MAN2A2: variants seen among roughly 807,000 people sequenced by gnomAD.
MAN2A2 encodes the protein mannosidase alpha class 2A member 2.
Under a neutral mutation model 126.8 loss-of-function variants are expected in MAN2A2, and 79 were observed. The ratio of observed to expected loss-of-function variants is 0.62; its 90% CI spans 0.52 to 0.75. The LOEUF (loss-of-function observed/expected upper bound fraction) is 0.75, where lower values mean the gene tolerates loss of function less well. Among genes scored for constraint, MAN2A2 ranks in the 30% least tolerant of loss-of-function variants. The probability of loss-of-function intolerance (pLI) is 0.00; values close to 1 mark genes in which losing one functional copy is unlikely to be tolerated. For missense variants in MAN2A2, 1,392 were observed against 1,522.4 expected, an observed-to-expected ratio of 0.91 and a Z score of 1.43; for synonymous variants, 671 against 618.7, an observed-to-expected ratio of 1.08 and a Z score of -1.25.
rs755875105 is a variant in MAN2A2 at position 90,907,213 on chromosome 15, G to T, written c.1010-96G>T. Reference sequence around the variant, plus strand: ...GCCCTAGGTCCAGTTACAGCCTCGCGGTCTATCAGGGCTGCCTTTAGCCTG... The same window carrying T: ...GCCCTAGGTCCAGTTACAGCCTCGCTGTCTATCAGGGCTGCCTTTAGCCTG... On this transcript the variant is annotated intron_variant, in intron 7 of 22. Transcript: ENST00000559717. The T allele has an allele frequency of 8.0e-6, 10 of 1,248,202 alleles. No homozygotes were observed. The Admixed American group carries it at 1.9e-4, about 23-fold the overall frequency. The allele number at this position is 1,248,202 out of a possible 1,614,324, so 77.3% of individuals were successfully genotyped here. A position where few individuals can be genotyped will look rare whatever the true frequency, so the allele number is the denominator to read the frequency against.
At chr15:90,906,151 GA>G in intron 5 of MAN2A2, 135 bp downstream of exon 5, 1 of 1,383,296 alleles carries the variant, frequency 7.2e-7, no homozygotes, top group Non-Finnish European at 1.0e-6. Context: ...AGTGATGGTG[GA>G]GGGAGGGAAG....
intron 8 of MAN2A2, 40 bp downstream of exon 8, chr15:90,907,535 G>C: frequency 6.3e-7 from 1 of 1,583,710 alleles, no homozygotes; most frequent in Non-Finnish European, 8.6e-7. Context: ...GAGGAATCGG[G>C]AGGCCTGGCT....
chr15:90,916,116 TC>T lies in MAN2A2; in HGVS notation c.2861-3del. On this transcript the variant is annotated splice_polypyrimidine_tract_variant and splice_region_variant and intron_variant, in intron 19 of 22. Coordinates refer to ENST00000559717, the MANE Select transcript of MAN2A2 (RefSeq NM_006122.4). Reference sequence around the variant, plus strand: ...GGCGGGCCAGCACTCACTGTTTGCTTCCCCAGGCCAGCTGGAGGTGATCTTG... The same window carrying T: ...GGCGGGCCAGCACTCACTGTTTGCTTCCCAGGCCAGCTGGAGGTGATCTTG... 6.2e-7 allele frequency: 1 copy of T among 1,613,616 alleles called. No homozygotes were observed. The highest frequency in any genetic ancestry group is 8.5e-7 in the Non-Finnish European group (1 of 1,179,816).
rs748242472 is a variant in MAN2A2 at position 90,911,225 on chromosome 15, G to T, written c.1930G>T (p.Asp644Tyr). The part of the protein sequence containing the change: ...ALPERTVIQL[D>Y]SSPRFVVLFN... ...CCCAGAGCGCACGGTGATCCAGCTGGATTCCTCGCCCAGGTAACCTGGACT... is the reference window on the plus strand; with the variant it reads ...CCCAGAGCGCACGGTGATCCAGCTGTATTCCTCGCCCAGGTAACCTGGACT... The change falls in exon 13 of 23, where the codon GAT becomes TAT. Residue 644 changes from aspartate to tyrosine, a missense_variant. Coordinates refer to ENST00000559717, the MANE Select transcript of MAN2A2 (RefSeq NM_006122.4). 3 of 1,614,062 alleles carry T rather than the reference G, an allele frequency of 1.9e-6. No individual in the cohort carries two copies. In the South Asian group the frequency reaches 3.3e-5, roughly 18 times the overall value.
chr15:90,909,850 G>A (rs149319497), intron 9 of MAN2A2, among the ~76,000 whole-genome samples: 1,641 of 152,270 alleles, frequency 0.011, 30 homozygotes, highest in African/African-American at 0.037. Flanking sequence ...TGATCCACTC[G>A]CCTCGGCCTC....
chr15:90,906,274 C>G (rs2034276043), intron 5 of MAN2A2, 96 bp from the exon 6 acceptor site: 2 of 1,508,808 alleles, frequency 1.3e-6, no homozygotes, highest in Admixed American at 1.9e-5. Flanking sequence ...GAGAACTGGT[C>G]CAGTGAGGCC....
chr15:90,910,960 TGGTGAGCCCCTCCTG>T lies in MAN2A2; in HGVS notation c.1875+3_1875+17del. 6.2e-7 allele frequency: 1 copy of T among 1,612,804 alleles called. No homozygotes were observed. The highest frequency in any genetic ancestry group is 8.5e-7 in the Non-Finnish European group (1 of 1,178,920). ...GACCCTGAGGCGCCCTTCCTCCAAG[TGGTGAGCCCCTCCTG>T]GGTCTGCATGGGGACCCTCTGGTGT... On this transcript the variant is annotated splice_donor_variant and splice_donor_5th_base_variant and coding_sequence_variant and intron_variant, in exon 12 of 23. Transcript: ENST00000559717. LOFTEE classifies it high-confidence loss of function.
intron 19 of MAN2A2, among the ~76,000 whole-genome samples, chr15:90,915,055 G>A (rs1032525674): frequency 3.3e-5 from 5 of 152,204 alleles, no homozygotes; most frequent in Non-Finnish European, 7.3e-5. Flanking sequence ...TGGCAAGTTC[G>A]GGGGCCTGAC....
intron 11 of MAN2A2, 32 bp from the exon 12 acceptor site, chr15:90,910,812 ATCT>A (rs1205197736): frequency 3.7e-6 from 6 of 1,604,472 alleles, no homozygotes; most frequent in East Asian, 2.2e-5. Context: ...CCCTATGGTC[ATCT>A]TCTCTCCTTC....
intron 8 of MAN2A2, among the ~76,000 whole-genome samples, chr15:90,908,210 G>A (rs1029632903): frequency 3.9e-5 from 6 of 152,222 alleles, no homozygotes; most frequent in Non-Finnish European, 8.8e-5. Context: ...TGATCAGTGA[G>A]GCTGGCCTAG....
chr15:90,918,554 G>T, intron 21 of MAN2A2, 91 bp from the exon 22 acceptor site: 1 of 1,214,002 alleles, frequency 8.2e-7, no homozygotes, highest in Non-Finnish European at 1.2e-6. Flanking sequence ...ACGCCTCCCT[G>T]TGCCAGCACT....
At chr15:90,911,629 A>C (rs1596159986) in intron 14 of MAN2A2, 79 bp downstream of exon 14, 1 of 1,447,758 alleles carries the variant, frequency 6.9e-7, no homozygotes, top group Non-Finnish European at 9.2e-7. Context: ...CCAGCCTCCC[A>C]CCCTCCTGCT....
chr15:90,912,070 C>T lies in MAN2A2; in HGVS notation c.2137C>T (p.Leu713=), dbSNP rs1310881865. Residue 713 remains leucine (L), a synonymous_variant, in exon 15 of 23, where the codon CTG becomes TTG. Coordinates refer to ENST00000559717, the MANE Select transcript of MAN2A2 (RefSeq NM_006122.4). ...QVSVPVRLPA[L]GLGVLQLQLG... ...GTCTGTGCCTGTCCGCCTGCCAGCC[C>T]TGGGCCTGGGCGTGCTGCAGCTACA... 1 of 1,612,892 alleles carries T rather than the reference C, an allele frequency of 6.2e-7. No individual in the cohort carries two copies. Among genetic ancestry groups the T allele is most frequent in the East Asian group, 2.2e-5 (1 of 44,870 alleles).
rs200536463 is a variant in MAN2A2 at position 90,912,273 on chromosome 15, C to T, written c.2340C>T (p.Leu780=). 2.5e-6 allele frequency: 4 copies of T among 1,614,194 alleles called. No individual in the cohort carries two copies. In the African/African-American group the frequency reaches 5.3e-5, roughly 22 times the overall value. ...TCTGGTTCTCAGGCCTTACTGGGCT[C>T]CTCAAGGTAAAAGGCCAGGGTGGTG... The part of the protein sequence containing the change: ...MQVWFSGLTG[L]LKSIRRVDEE... The change falls in exon 15 of 23, where the codon CTC becomes CTT. Residue 780 remains leucine (L), a synonymous_variant. Transcript: ENST00000559717.
intron 11 of MAN2A2, 23 bp downstream of exon 11, chr15:90,910,706 T>C (rs779794953): frequency 6.2e-7 from 1 of 1,612,248 alleles, no homozygotes; most frequent in African/African-American, 1.3e-5. Context: ...TCTTTTCCCT[T>C]GTAAGCTCCC....
At chr15:90,915,866 G>A (rs546048626) in intron 19 of MAN2A2, 178 of 458,148 alleles carry the variant, frequency 3.9e-4, no homozygotes, top group African/African-American at 2.7e-3. Flanking sequence ...GTCCCAGAGC[G>A]TGGGGGGTAA....
chr15:90,916,983 G>A (rs887676866), intron 20 of MAN2A2, among the ~76,000 whole-genome samples: 3 of 152,192 alleles, frequency 2.0e-5, no homozygotes, highest in African/African-American at 7.2e-5. Flanking sequence ...TGGCTTTGAT[G>A]AATGGGGTGT....
intron 8 of MAN2A2, among the ~76,000 whole-genome samples, chr15:90,909,004 G>A (rs559035338): frequency 2.6e-5 from 4 of 152,216 alleles, no homozygotes; most frequent in Non-Finnish European, 5.9e-5. Context: ...TGGAGCTGGT[G>A]TGATATGGCT....
In MAN2A2 at chr15:90,912,910, G is replaced by A; in HGVS notation, c.2503G>A (p.Val835Ile). 2 of 1,614,130 alleles carry A rather than the reference G, an allele frequency of 1.2e-6. No homozygotes were observed. Among genetic ancestry groups the A allele is most frequent in the African/African-American group, 1.3e-5 (1 of 75,040 alleles). Residue 835 changes from valine to isoleucine, a missense_variant, in exon 17 of 23, where the codon GTC (valine) becomes ATC (isoleucine). Val to Ile is a conservative substitution (Grantham distance 29). Transcript: ENST00000559717. ...YVPKEPPVLRVTEGPFFSEVV... is the reference protein window; with the variant it reads ...YVPKEPPVLRITEGPFFSEVV... ...CCCCAAGGAGCCCCCCGTGCTGCGT[G>A]TCACTGAAGGCCCTTTCTTCTCAGA...
Sources: gnomAD v4.1 joint callset for allele counts (sites outside exome capture counted in the v4.1 genomes callset) on GRCh38, gnomAD v4.1.1 for gene constraint, MANE v1.5 for transcripts, NCBI Gene and HGNC (gene_info 2026-07-23, HGNC 2026-07-21) for gene names.